Variants in CSRNP3 observed in about 807,000 individuals in gnomAD.
CSRNP3 encodes the protein cysteine/serine-rich nuclear protein 3.
Under a neutral mutation model 48.0 loss-of-function variants are expected in CSRNP3, and 12 were observed. That is an observed-to-expected ratio of 0.25 (90% CI 0.16 to 0.41). CSRNP3 has a LOEUF of 0.41. Ranked by LOEUF, CSRNP3 falls within the 10% of genes least tolerant of loss-of-function variation. CSRNP3 has a pLI of 1.00. For synonymous variants in CSRNP3, 263 were observed against 269.7 expected (o/e 0.98, Z 0.24); for missense variants, 580 against 724.4 (o/e 0.80, Z 2.29).
chr2:165,657,830 A>T lies in CSRNP3; in HGVS notation c.218A>T (p.Tyr73Phe), dbSNP rs1687030952. ...KNVHFSCVTVYYFTRRQGFTS... is the reference protein window; with the variant it reads ...KNVHFSCVTVFYFTRRQGFTS... ...GTACATTTTAGTTGTGTCACCGTGT[A>T]CTACTTCACCAGGAGGCAAGGCTTC... Residue 73 changes from tyrosine to phenylalanine, a missense_variant, in exon 5 of 7, where the codon TAC becomes TTC. Around this residue, in one of 4 missense-constraint regions of CSRNP3, gnomAD observed 83 missense variants for 139.6 expected, o/e 0.59. Coordinates refer to ENST00000651982, the MANE Select transcript of CSRNP3 (RefSeq NM_001172173.2). The T allele has an allele frequency of 6.2e-7, 1 of 1,614,150 alleles. No individual in the cohort carries two copies. Among genetic ancestry groups the T allele is most frequent in the Non-Finnish European group, 8.5e-7 (1 of 1,180,006 alleles).
intron 4 of CSRNP3, among the ~76,000 whole-genome samples, chr2:165,628,235 C>G (rs1227736283): frequency 6.6e-6 from 1 of 152,174 alleles, no homozygotes; most frequent in Admixed American, 6.5e-5. Context: ...TCCCCAACCC[C>G]TACTACAAAC....
chr2:165,508,580 A>C (rs1396629283), intron 2 of CSRNP3, among the ~76,000 whole-genome samples: 1 of 151,700 alleles, frequency 6.6e-6, no homozygotes, highest in African/African-American at 2.4e-5. Context: ...ATATTCTTTC[A>C]TGTGTTTTTA....
intron 5 of CSRNP3, among the ~76,000 whole-genome samples, chr2:165,665,184 C>T (rs1026165713): frequency 1.6e-4 from 24 of 152,158 alleles, no homozygotes; most frequent in Admixed American, 2.6e-4. Context: ...AGCACCCCAC[C>T]ATGACCCCCA....
intron 3 of CSRNP3, among the ~76,000 whole-genome samples, chr2:165,519,288 G>A (rs1044202814): frequency 6.6e-6 from 1 of 151,334 alleles, no homozygotes; most frequent in Middle Eastern, 3.2e-3. Flanking sequence ...TTTTTAATTC[G>A]AGTACATTGG....
At chr2:165,529,702 G>A (rs1167410728) in intron 3 of CSRNP3, among the ~76,000 whole-genome samples, 1 of 151,990 alleles carries the variant, frequency 6.6e-6, no homozygotes, top group Non-Finnish European at 1.5e-5. Flanking sequence ...TTAAAATGCT[G>A]GAAGACCATT....
At chr2:165,506,111 C>T (rs1428394570) in intron 2 of CSRNP3, among the ~76,000 whole-genome samples, 3 of 152,158 alleles carry the variant, frequency 2.0e-5, no homozygotes, top group East Asian at 1.9e-4. Context: ...CTTATTTTCT[C>T]CTACCCATAT....
At chr2:165,602,581 T>C (rs1015736084) in intron 4 of CSRNP3, among the ~76,000 whole-genome samples, 3 of 152,196 alleles carry the variant, frequency 2.0e-5, no homozygotes, top group African/African-American at 7.2e-5. Context: ...CTCTGGAAAA[T>C]AGTCACTTGG....
At chr2:165,582,688 C>G (rs1014828762) in intron 3 of CSRNP3, among the ~76,000 whole-genome samples, 2 of 152,128 alleles carry the variant, frequency 1.3e-5, no homozygotes, top group Non-Finnish European at 2.9e-5. Context: ...TGGATACCCA[C>G]CAAAGCTGGG....
At chr2:165,471,133 GAATTACCTTAAATTTCCTAA>G (rs1683890166) in intron 1 of CSRNP3, among the ~76,000 whole-genome samples, 1 of 151,754 alleles carries the variant, frequency 6.6e-6, no homozygotes, top group African/African-American at 2.4e-5. Context: ...AATGAATTGA[GAATTACCTTAAATTTCCTAA>G]AAGTACTAAA....
intron 2 of CSRNP3, among the ~76,000 whole-genome samples, chr2:165,499,992 T>TAA (rs199866038): frequency 0.016 from 2,344 of 151,046 alleles, 54 homozygotes; most frequent in African/African-American, 0.053. Flanking sequence ...AGTGAACTCT[T>TAA]AAGTCTCTTT....
chr2:165,643,258 G>T (rs1686755022), intron 4 of CSRNP3, among the ~76,000 whole-genome samples: 1 of 152,168 alleles, frequency 6.6e-6, no homozygotes, highest in African/African-American at 2.4e-5. Context: ...AGGATAAAAA[G>T]AATGTACTGC....
At chr2:165,634,509 A>G (rs1048887444) in intron 4 of CSRNP3, among the ~76,000 whole-genome samples, 10 of 152,238 alleles carry the variant, frequency 6.6e-5, no homozygotes, top group South Asian at 2.1e-4. Context: ...CTGGTGGTCA[A>G]GATGGATAAG....
chr2:165,623,905 A>T (rs912319696), intron 4 of CSRNP3, among the ~76,000 whole-genome samples: 3 of 152,122 alleles, frequency 2.0e-5, no homozygotes, highest in Admixed American at 1.3e-4. Flanking sequence ...ACTGTTGCCT[A>T]CCTTCTCTCC....
At chr2:165,655,076 G>A (rs562905869) in intron 4 of CSRNP3, among the ~76,000 whole-genome samples, 1 of 152,202 alleles carries the variant, frequency 6.6e-6, no homozygotes, top group East Asian at 1.9e-4. Flanking sequence ...GTTTCATGGG[G>A]GAAAAATGAG....
chr2:165,656,252 A>T (rs559013088), intron 4 of CSRNP3, among the ~76,000 whole-genome samples: 10 of 152,224 alleles, frequency 6.6e-5, no homozygotes. Flanking sequence ...ACTTCAATGT[A>T]AAATGAAGGG....
rs1325895105 is a variant in CSRNP3, at chr2:165,512,346, C to G, written c.-112-5527C>G. Reference sequence around the variant, plus strand: ...TTTATAATTTTTACCTAAATTGTCACCTAGATTCTCTTATAATTCTAACAG... The same window carrying G: ...TTTATAATTTTTACCTAAATTGTCAGCTAGATTCTCTTATAATTCTAACAG... On this transcript the variant is annotated intron_variant, in intron 2 of 6. Transcript: ENST00000651982. 3.3e-5 allele frequency among the ~76,000 whole-genome samples: 5 copies of G among 152,294 alleles called. No individual in the cohort carries two copies. The East Asian group carries it at 9.6e-4, about 29-fold the overall frequency.
At chr2:165,587,836 G>A (rs1685656530) in intron 3 of CSRNP3, among the ~76,000 whole-genome samples, 1 of 152,188 alleles carries the variant, frequency 6.6e-6, no homozygotes, top group South Asian at 2.1e-4. Context: ...CAAATATGTT[G>A]TTAGGGGAGT....
chr2:165,594,986 G>A (rs892533723), intron 3 of CSRNP3, 57 bp from the exon 4 acceptor site: 1 of 1,534,664 alleles, frequency 6.5e-7, no homozygotes, highest in Non-Finnish European at 8.9e-7. Flanking sequence ...GGAGACCTTG[G>A]CTACACGTTC....
rs117412602 is a variant in CSRNP3, at chr2:165,616,190, G to A, written c.148+20977G>A. On this transcript the variant is annotated intron_variant, in intron 4 of 6. Coordinates refer to ENST00000651982, the MANE Select transcript of CSRNP3 (RefSeq NM_001172173.2). ...ACATTTAAGGTTCTTATTTATAGGT[G>A]AGGACTTAATCCTATCATTTTGTAA... Among the ~76,000 whole-genome samples, 21 of 152,256 alleles carry A rather than the reference G, an allele frequency of 1.4e-4. No individual in the cohort carries two copies. The East Asian group carries it at 2.7e-3, about 20-fold the overall frequency.
Sources: allele counts gnomAD v4.1 joint callset (sites outside exome capture counted in the v4.1 genomes callset), GRCh38; gene constraint gnomAD v4.1.1; regional missense constraint gnomAD v4.1.1; transcripts MANE v1.5; gene names NCBI Gene and HGNC (gene_info 2026-07-23, HGNC 2026-07-21).